PTPRU: variants seen among roughly 807,000 people sequenced by gnomAD.
PTPRU encodes protein tyrosine phosphatase receptor type U, also known as receptor-type tyrosine-protein phosphatase U.
PTPRU carries 69 observed loss-of-function variants against 166.3 expected under a neutral mutation model. The observed-to-expected ratio is 0.41, with a 90% CI of 0.34 to 0.51. PTPRU has a LOEUF of 0.51. Among genes scored for constraint, PTPRU ranks in the 20% least tolerant of loss-of-function variants. PTPRU has a pLI of 0.09. For missense variants in PTPRU, 1,657 were observed against 2,013.7 expected (o/e 0.82, Z 3.39); for synonymous variants, 793 against 814.0 (o/e 0.97, Z 0.44).
intron 2 of PTPRU, among the ~76,000 whole-genome samples, chr1:29,256,572 G>A (rs1269993326): frequency 1.3e-5 from 2 of 152,206 alleles, no homozygotes; most frequent in Non-Finnish European, 2.9e-5. Flanking sequence ...CGCCTCCTGC[G>A]GACTCTCATG....
intron 18 of PTPRU, 69 bp downstream of exon 18, chr1:29,305,497 G>A: frequency 6.7e-7 from 1 of 1,482,548 alleles, no homozygotes; most frequent in Non-Finnish European, 9.4e-7. Context: ...TCCAGGCAGG[G>A]CAGAAACCTG....
chr1:29,283,591 C>G (rs543747340), intron 12 of PTPRU: 47 of 348,096 alleles, frequency 1.4e-4, no homozygotes, highest in Non-Finnish European at 1.6e-4. Context: ...CTCCAGGCTC[C>G]TCCCTCCTCT....
rs1687879461 is a variant in PTPRU, at chr1:29,315,871, C to T, written c.3364-131C>T. Reference sequence around the variant, plus strand: ...GAGGTTGTTTCAGGTAGGCTTGGTCCAGCCTGTAGTAACATGGTTGGCCTC... The same window carrying T: ...GAGGTTGTTTCAGGTAGGCTTGGTCTAGCCTGTAGTAACATGGTTGGCCTC... On this transcript the variant is annotated intron_variant, in intron 23 of 29. Transcript: ENST00000373779. The surrounding 1 kb of genome is among the most constrained non-coding windows in gnomAD (Gnocchi z 4.5). 8.6e-7 allele frequency: 1 copy of T among 1,168,190 alleles called. No homozygotes were observed. Among genetic ancestry groups the T allele is most frequent in the South Asian group, 1.6e-5 (1 of 64,350 alleles). 72.4% of individuals were successfully genotyped at this position (1,168,190 alleles called of 1,614,324 possible).
At chr1:29,308,183 C>T (rs912523901) in intron 18 of PTPRU, among the ~76,000 whole-genome samples, 1 of 151,756 alleles carries the variant, frequency 6.6e-6, no homozygotes, top group Non-Finnish European at 1.5e-5. Flanking sequence ...GATCATGGCT[C>T]ACTGCAGCCT....
chr1:29,254,721 G>A (rs2151943261), intron 1 of PTPRU, among the ~76,000 whole-genome samples: 1 of 152,284 alleles, frequency 6.6e-6, no homozygotes, highest in Middle Eastern at 3.4e-3. Context: ...CTGGATTATG[G>A]CATGCATGGT....
intron 16 of PTPRU, 74 bp downstream of exon 16, chr1:29,304,119 C>A: frequency 6.7e-7 from 1 of 1,502,904 alleles, no homozygotes. Context: ...GGACTCTGAC[C>A]CTGGCAACCC....
intron 1 of PTPRU, among the ~76,000 whole-genome samples, chr1:29,241,167 G>A (rs1209878297): frequency 6.6e-6 from 1 of 152,154 alleles, no homozygotes; most frequent in African/African-American, 2.4e-5. Context: ...GACCCCTGGG[G>A]AGCCTGGTGC....
chr1:29,242,823 A>G (rs773425800), intron 1 of PTPRU, among the ~76,000 whole-genome samples: 2 of 151,888 alleles, frequency 1.3e-5, no homozygotes, highest in South Asian at 2.1e-4. Flanking sequence ...CTGCAGCCTT[A>G]TTAGATCTTG....
chr1:29,300,037 G>A (rs1282682034), intron 15 of PTPRU, among the ~76,000 whole-genome samples: 1 of 152,180 alleles, frequency 6.6e-6, no homozygotes. Flanking sequence ...GCAGGTGCTC[G>A]CTGTGTGCCA....
At chr1:29,267,442 T>C (rs190731918) in intron 7 of PTPRU, among the ~76,000 whole-genome samples, 8 of 152,216 alleles carry the variant, frequency 5.3e-5, no homozygotes, top group African/African-American at 1.9e-4. Context: ...TGGAGGGTTG[T>C]TATTTTTAAA....
In PTPRU at chr1:29,254,494, CTG is replaced by C. The variant is rs567492193; in HGVS notation, c.74-778_74-777del. ...ATACATGTGCCTAGTCCACACATGA[CTG>C]TGCTTTTGCATGTCACATTCCTGCA... On this transcript the variant is annotated intron_variant, in intron 1 of 29. Coordinates refer to ENST00000373779, the MANE Select transcript of PTPRU (RefSeq NM_133178.4). 3.1e-3 allele frequency among the ~76,000 whole-genome samples: 467 copies of C among 152,344 alleles called. 2 individuals carry two copies. Among genetic ancestry groups the C allele is most frequent in the African/African-American group, 0.01 (425 of 41,576 alleles).
chr1:29,277,030 G>T (rs1249207271), intron 8 of PTPRU, among the ~76,000 whole-genome samples: 1 of 152,144 alleles, frequency 6.6e-6, no homozygotes, highest in East Asian at 1.9e-4. Context: ...TGTTATTTCT[G>T]TTATAATTTC....
At chr1:29,284,628 G>A (rs1406995557) in intron 13 of PTPRU, 103 bp from the exon 14 acceptor site, 3 of 1,505,534 alleles carry the variant, frequency 2.0e-6, no homozygotes, top group South Asian at 1.1e-5. Context: ...GATGTAGGGC[G>A]GTTTGTGCAG....
At chr1:29,324,035 T>A (rs1389592111) in intron 28 of PTPRU, among the ~76,000 whole-genome samples, 1 of 152,226 alleles carries the variant, frequency 6.6e-6, no homozygotes, top group Non-Finnish European at 1.5e-5. Flanking sequence ...TGTCTGACTT[T>A]GCCAATTTAA....
chr1:29,258,473 T>G, intron 2 of PTPRU, 32 bp from the exon 3 acceptor site: 1 of 1,601,492 alleles, frequency 6.2e-7, no homozygotes, highest in South Asian at 1.1e-5. Context: ...TGAGGTCTCC[T>G]CATCTCCTGC....
chr1:29,255,245 G>T lies in PTPRU; in HGVS notation c.74-30G>T, dbSNP rs201637870. 31 of 1,606,848 alleles carry T rather than the reference G, an allele frequency of 1.9e-5. No homozygotes were observed. The South Asian group carries it at 2.6e-4, about 14-fold the overall frequency. On this transcript the variant is annotated intron_variant, in intron 1 of 29. Coordinates refer to ENST00000373779, the MANE Select transcript of PTPRU (RefSeq NM_133178.4). ...CCTCCTGGCCAGCAGCCCTGCCTTA[G>T]CCTGGGCTAACCAGGCCCTGCTCTC...
At chr1:29,269,378 A>G (rs1466989502) in intron 7 of PTPRU, among the ~76,000 whole-genome samples, 1 of 148,614 alleles carries the variant, frequency 6.7e-6, no homozygotes, top group Non-Finnish European at 1.5e-5. Context: ...TACAGACAGG[A>G]GCCAGTGCAT....
intron 7 of PTPRU, 116 bp downstream of exon 7, chr1:29,261,019 T>C: frequency 8.4e-7 from 1 of 1,189,510 alleles, no homozygotes; most frequent in Non-Finnish European, 1.1e-6. Context: ...ATTGTGATTT[T>C]TCCTCAACCC....
chr1:29,261,788 C>T (rs1361034546), intron 7 of PTPRU, among the ~76,000 whole-genome samples: 2 of 152,224 alleles, frequency 1.3e-5, no homozygotes, highest in African/African-American at 4.8e-5. Flanking sequence ...CCGCCTCGGC[C>T]TTCCAAAGTG....
Sources: allele counts gnomAD v4.1 joint callset (sites outside exome capture counted in the v4.1 genomes callset), GRCh38; gene constraint gnomAD v4.1.1; non-coding constraint Gnocchi (gnomAD v3.1); transcripts MANE v1.5; gene names NCBI Gene and HGNC (gene_info 2026-07-23, HGNC 2026-07-21).